The following ZMAT3 variants were observed in gnomAD, a reference collection of about 807,000 sequenced individuals.
The protein encoded by ZMAT3 is zinc finger matrin-type protein 3.
ZMAT3 carries 17 observed loss-of-function variants against 32.3 expected under a neutral mutation model. The ratio of observed to expected loss-of-function variants is 0.53; its 90% CI spans 0.36 to 0.79. ZMAT3 has a LOEUF of 0.79. ZMAT3 is among the 30% of genes least tolerant of loss of function. The pLI is 0.00. For missense variants in ZMAT3, 329 were observed against 359.7 expected, an observed-to-expected ratio of 0.91 and a Z score of 0.69; for synonymous variants, 120 against 133.1, an observed-to-expected ratio of 0.90 and a Z score of 0.68.
intron 2 of ZMAT3, among the ~76,000 whole-genome samples, chr3:179,039,298 C>A (rs1719781283): frequency 6.6e-6 from 1 of 152,216 alleles, no homozygotes; most frequent in African/African-American, 2.4e-5. Context: ...CTGGGAGACA[C>A]GTCCCAGTAA....
intron 2 of ZMAT3, among the ~76,000 whole-genome samples, chr3:179,045,179 G>A (rs548819332): frequency 6.6e-6 from 1 of 152,160 alleles, no homozygotes; most frequent in African/African-American, 2.4e-5. Context: ...GATTGAGAAT[G>A]CCCATGAAAT....
intron 2 of ZMAT3, among the ~76,000 whole-genome samples, chr3:179,062,254 G>T (rs1176790290): frequency 6.6e-6 from 1 of 152,138 alleles, no homozygotes; most frequent in South Asian, 2.1e-4. Context: ...GCTGAGGAAT[G>T]AATGGGAAAT....
At position 179,063,003 on chromosome 3, in the gene ZMAT3, A is replaced by G. The variant is rs577126837; in HGVS notation, c.270+4480T>C. Among the ~76,000 whole-genome samples, 6 of 152,358 alleles carry G rather than the reference A, an allele frequency of 3.9e-5. No individual in the cohort carries two copies. In the South Asian group the frequency reaches 8.3e-4, roughly 21 times the overall value. ...TAAGATAACATATGCAAGTCTCACA[A>G]TCCTGCAGAGGAAGTACAATGACCC... is the stretch of plus-strand genomic sequence containing the variant. On this transcript the variant is annotated intron_variant, in intron 2 of 5. Transcript: ENST00000311417.
At chr3:179,058,750 C>T (rs1334113563) in intron 2 of ZMAT3, among the ~76,000 whole-genome samples, 6 of 129,676 alleles carry the variant, frequency 4.6e-5, no homozygotes, top group East Asian at 4.1e-4. Context: ...AGCGAGACTC[C>T]GTCTCAAAAA....
intron 1 of ZMAT3, among the ~76,000 whole-genome samples, chr3:179,069,823 T>G (rs1208047385): frequency 1.3e-5 from 2 of 152,174 alleles, no homozygotes; most frequent in Non-Finnish European, 2.9e-5. Flanking sequence ...ATTATTTAAT[T>G]TTTAAGCAGA....
At chr3:179,067,022 T>C (rs1030959680) in intron 2 of ZMAT3, among the ~76,000 whole-genome samples, 5 of 152,198 alleles carry the variant, frequency 3.3e-5, no homozygotes, top group African/African-American at 1.2e-4. Context: ...ATGGAAAGCA[T>C]AAGAGTCATG....
intron 2 of ZMAT3, among the ~76,000 whole-genome samples, chr3:179,037,128 C>G (rs4504197): frequency 0.6 from 91,291 of 151,832 alleles, 27,606 homozygotes; most frequent in East Asian, 0.8. Flanking sequence ...GTCCATGTAC[C>G]TTATTCCTCT....
At chr3:179,045,474 C>T (rs1406142010) in intron 2 of ZMAT3, among the ~76,000 whole-genome samples, 1 of 152,062 alleles carries the variant, frequency 6.6e-6, no homozygotes, top group East Asian at 1.9e-4. Flanking sequence ...TAGGGCCATG[C>T]ATGGAAACAT....
intron 2 of ZMAT3, among the ~76,000 whole-genome samples, chr3:179,057,067 C>G (rs965417192): frequency 1.3e-5 from 2 of 152,278 alleles, no homozygotes; most frequent in African/African-American, 2.4e-5. Flanking sequence ...CGCGTCCTTT[C>G]CCTACCAAAA....
chr3:179,034,192 A>G (rs961133862), intron 2 of ZMAT3, among the ~76,000 whole-genome samples: 5 of 152,222 alleles, frequency 3.3e-5, no homozygotes, highest in African/African-American at 1.2e-4. Context: ...CCTAGAAATA[A>G]ACTAAGGACT....
intron 2 of ZMAT3, among the ~76,000 whole-genome samples, chr3:179,034,678 A>G (rs1719486745): frequency 6.6e-6 from 1 of 152,208 alleles, no homozygotes; most frequent in Non-Finnish European, 1.5e-5. Flanking sequence ...AACTTAAAAC[A>G]ACTTTTGATT....
chr3:179,057,801 C>T (rs1720928404), intron 2 of ZMAT3, among the ~76,000 whole-genome samples: 1 of 152,200 alleles, frequency 6.6e-6, no homozygotes, highest in Admixed American at 6.5e-5. Flanking sequence ...CGGGTTTCTG[C>T]CGAATATGGA....
intron 2 of ZMAT3, among the ~76,000 whole-genome samples, chr3:179,036,590 G>A (rs1451940301): frequency 1.3e-5 from 2 of 152,146 alleles, no homozygotes; most frequent in African/African-American, 4.8e-5. Flanking sequence ...CCGCAGGGTA[G>A]ATGGAAATAT....
rs1417040980 is a variant in ZMAT3, at chr3:179,018,193, A to AT, written c.*6823_*6824insA. 3.3e-5 allele frequency: 5 copies of AT among 152,172 alleles called. No homozygotes were observed. Among genetic ancestry groups the AT allele is most frequent in the Non-Finnish European group, 5.9e-5 (4 of 68,022 alleles). 9.4% of individuals were successfully genotyped at this position (152,172 alleles called of 1,614,324 possible). ...ATGTGGAGTTACTCTTCCTTAAAAAAATATATCATGTAGAGAATACACAAA... is the reference window on the plus strand; with the variant it reads ...ATGTGGAGTTACTCTTCCTTAAAAAATATATATCATGTAGAGAATACACAAA... On this transcript the variant is annotated 3_prime_UTR_variant, in exon 6 of 6. Transcript: ENST00000311417.
rs1323014174 is a variant in ZMAT3, at chr3:179,046,029, A to G, written c.271-15030T>C. Among the ~76,000 whole-genome samples, 1 of 152,230 alleles carries G rather than the reference A, an allele frequency of 6.6e-6. No individual in the cohort carries two copies. Among genetic ancestry groups the G allele is most frequent in the Non-Finnish European group, 1.5e-5 (1 of 68,038 alleles). ...ACACCCAGTACAGGCAACTATGCAG[A>G]AGAGCTCTATGACAGGGAGCAGAGA... On this transcript the variant is annotated intron_variant, in intron 2 of 5. Coordinates refer to ENST00000311417, the MANE Select transcript of ZMAT3 (RefSeq NM_022470.4). This position sits in a 1 kb window ranked among gnomAD's most constrained non-coding sequence, Gnocchi z 4.3.
chr3:179,046,452 ATTT>A lies in ZMAT3; in HGVS notation c.271-15456_271-15454del, dbSNP rs1720242214. On this transcript the variant is annotated intron_variant, in intron 2 of 5. Coordinates refer to ENST00000311417, the MANE Select transcript of ZMAT3 (RefSeq NM_022470.4). This position sits in a 1 kb window ranked among gnomAD's most constrained non-coding sequence, Gnocchi z 4.3. ...AGTGTGTGGAGACCCATATCATGAA[ATTT>A]TGCTCCAAGAACTACAGCAGGAACA... Among the ~76,000 whole-genome samples the A allele has an allele frequency of 6.6e-6, 1 of 152,192 alleles. No homozygotes were observed. The highest frequency in any genetic ancestry group is 2.1e-4 in the South Asian group (1 of 4,828).
In ZMAT3 at chr3:179,026,379, C is replaced by CTTTTTTT. The variant is rs1235818885; in HGVS notation, c.658+1037_658+1043dup. On this transcript the variant is annotated intron_variant, in intron 5 of 5. Transcript: ENST00000311417. Reference sequence around the variant, plus strand: ...CTTTTCTTAATCATAATGAATTGTGCTTTTTTTTTTTTTTTTTTTTTTTTT... The same window carrying CTTTTTTT: ...CTTTTCTTAATCATAATGAATTGTGCTTTTTTTTTTTTTTTTTTTTTTTTTTTTTTTT... Among the ~76,000 whole-genome samples the CTTTTTTT allele has an allele frequency of 9.6e-4, 63 of 65,932 alleles. 1 individual carries two copies. The highest frequency in any genetic ancestry group is 0.019 in the Middle Eastern group (1 of 54). The allele number at this position is 65,932 out of a possible 152,430, so 43.3% of individuals were successfully genotyped here. A position where few individuals can be genotyped will look rare whatever the true frequency, so the allele number is the denominator to read the frequency against.
intron 3 of ZMAT3, 114 bp downstream of exon 3, chr3:179,030,766 T>G: frequency 6.9e-7 from 1 of 1,449,140 alleles, no homozygotes; most frequent in Non-Finnish European, 9.1e-7. Flanking sequence ...CTTTCAGGAT[T>G]ATTTTCCCAA....
chr3:179,055,759 T>G (rs1434290463), intron 2 of ZMAT3, among the ~76,000 whole-genome samples: 1 of 152,152 alleles, frequency 6.6e-6, no homozygotes, highest in Non-Finnish European at 1.5e-5. Context: ...TGATCTGACA[T>G]GGAGAGATAT....
Sources: gnomAD v4.1 joint callset for allele counts (sites outside exome capture counted in the v4.1 genomes callset) on GRCh38, gnomAD v4.1.1 for gene constraint, Gnocchi (gnomAD v3.1) non-coding constraint, MANE v1.5 for transcripts, NCBI Gene and HGNC (gene_info 2026-07-23, HGNC 2026-07-21) for gene names.